APBA1: variants seen among roughly 807,000 people sequenced by gnomAD.
APBA1 encodes amyloid beta precursor protein binding family A member 1, also known as amyloid-beta A4 precursor protein-binding family A member 1.
APBA1 carries 55 observed loss-of-function variants against 86.6 expected under a neutral mutation model. That is an observed-to-expected ratio of 0.64 (90% CI 0.51 to 0.80). The LOEUF is 0.80. Ranked by LOEUF, APBA1 falls within the 30% of genes least tolerant of loss-of-function variation. The pLI is 0.00. For missense variants in APBA1, 1,090 were observed against 1,183.0 expected, an observed-to-expected ratio of 0.92 and a Z score of 1.15; for synonymous variants, 511 against 493.9, an observed-to-expected ratio of 1.03 and a Z score of -0.46.
intron 1 of APBA1, among the ~76,000 whole-genome samples, chr9:69,628,148 G>A (rs1014581779): frequency 5.3e-5 from 8 of 152,158 alleles, no homozygotes; most frequent in Non-Finnish European, 1.0e-4. Context: ...GCTGTAGGTA[G>A]ACTCCTGTCT....
intron 1 of APBA1, among the ~76,000 whole-genome samples, chr9:69,669,498 C>G (rs954806124): frequency 1.3e-5 from 2 of 152,186 alleles, no homozygotes; most frequent in Non-Finnish European, 2.9e-5. Context: ...GCAAAAGGTA[C>G]CACCATTTAT....
Position 69,516,642 on chromosome 9 carries a change from T to C in APBA1, c.569A>G (p.Tyr190Cys). 1.2e-6 allele frequency: 2 copies of C among 1,608,798 alleles called. No individual in the cohort carries two copies. Among genetic ancestry groups the C allele is most frequent in the Admixed American group, 1.7e-5 (1 of 59,864 alleles). Residue 190 changes from tyrosine (Y) to cysteine (C), a missense_variant, in exon 2 of 13, where the codon TAC (tyrosine) becomes TGC (cysteine). Physicochemically the swap from Tyr to Cys is radical, Grantham distance 194 (BLOSUM62 -2). Transcript: ENST00000265381. The surrounding 1 kb of genome is among the most constrained non-coding windows in gnomAD (Gnocchi z 7.3). ...GTACACGTGCTCCTGGAGGCCGCCG[T>C]AGTCGGCATAGGGCTCGGAGTAGGG... ...DEPYSEPYAD[Y>C]GGLQEHVYEE...
chr9:69,516,807 G>T lies in APBA1; in HGVS notation c.404C>A (p.Ala135Asp). ...GCGGTGCGTGGCCTCGGCGTGCTCGGCCTCTGCCTGCTCCGTGTACTCCTC... is the reference window on the plus strand; with the variant it reads ...GCGGTGCGTGGCCTCGGCGTGCTCGTCCTCTGCCTGCTCCGTGTACTCCTC... ...EAEEYTEQAEAEHAEATHRRA... is the reference protein window; with the variant it reads ...EAEEYTEQAEDEHAEATHRRA... The change falls in exon 2 of 13, where the codon GCC becomes GAC. Residue 135 changes from alanine (A) to aspartate (D), a missense_variant. By Grantham distance (126) the Ala-to-Asp change is moderately radical. Transcript: ENST00000265381. The surrounding 1 kb of genome is among the most constrained non-coding windows in gnomAD (Gnocchi z 7.3). 6.2e-7 allele frequency: 1 copy of T among 1,608,332 alleles called. No individual in the cohort carries two copies. The highest frequency in any genetic ancestry group is 8.5e-7 in the Non-Finnish European group (1 of 1,179,366).
intron 2 of APBA1, among the ~76,000 whole-genome samples, chr9:69,482,283 A>C (rs1215227868): frequency 1.3e-5 from 2 of 151,596 alleles, no homozygotes; most frequent in South Asian, 2.1e-4. Context: ...CAAGAAAAAA[A>C]CAAACAACCT....
intron 1 of APBA1, among the ~76,000 whole-genome samples, chr9:69,621,181 C>T (rs1020074451): frequency 4.6e-5 from 7 of 152,178 alleles, no homozygotes; most frequent in Admixed American, 1.3e-4. Flanking sequence ...ACTAAAAATA[C>T]GGAAACCTAA....
chr9:69,648,103 A>G lies in APBA1; in HGVS notation c.-70+24050T>C, dbSNP rs560423633. On this transcript the variant is annotated intron_variant, in intron 1 of 12. Transcript: ENST00000265381. ...GCATTGGACAGATGAAGGGCTGGTT[A>G]CCTGTCAGGAAGTGAAGAGCGTGGT... Among the ~76,000 whole-genome samples the G allele has an allele frequency of 6.3e-4, 96 of 152,340 alleles. 1 individual carries two copies. Among genetic ancestry groups the G allele is most frequent in the African/African-American group, 2.2e-3 (91 of 41,580 alleles).
chr9:69,649,010 C>T (rs1055724451), intron 1 of APBA1, among the ~76,000 whole-genome samples: 11 of 152,196 alleles, frequency 7.2e-5, no homozygotes, highest in African/African-American at 2.7e-4. Flanking sequence ...TGGGAGTCAT[C>T]CTTGATTCTT....
chr9:69,476,274 T>G, intron 2 of APBA1, 131 bp from the exon 3 acceptor site: 1 of 616,940 alleles, frequency 1.6e-6, no homozygotes. Context: ...GGAGAAAACC[T>G]CTTAAAAAGG....
At chr9:69,562,032 T>C (rs1836954259) in intron 1 of APBA1, among the ~76,000 whole-genome samples, 1 of 152,186 alleles carries the variant, frequency 6.6e-6, no homozygotes, top group African/African-American at 2.4e-5. Flanking sequence ...TACATTTTAA[T>C]TCATTTTTTC....
At position 69,454,863 on chromosome 9, in the gene APBA1, C is replaced by T. The variant is rs537219686; in HGVS notation, c.1788+1384G>A. Among the ~76,000 whole-genome samples the T allele has an allele frequency of 9.2e-5, 14 of 152,194 alleles. No individual in the cohort carries two copies. The South Asian group carries it at 2.9e-3, about 32-fold the overall frequency. On this transcript the variant is annotated intron_variant, in intron 8 of 12. Transcript: ENST00000265381. Reference sequence around the variant, plus strand: ...TCTTTTGGAACTTTCTGAGAACCTCCTAAAACTCATTTTCCCCGTTTGCAT... The same window carrying T: ...TCTTTTGGAACTTTCTGAGAACCTCTTAAAACTCATTTTCCCCGTTTGCAT...
chr9:69,446,684 C>T (rs1036155392), intron 10 of APBA1, among the ~76,000 whole-genome samples: 4 of 152,160 alleles, frequency 2.6e-5, no homozygotes, highest in East Asian at 1.9e-4. Context: ...AGGAGCGATT[C>T]GCAGGAGGGT....
Position 69,432,620 on chromosome 9 carries a change from G to T in APBA1, c.2358C>A (p.His786Gln). The T allele has an allele frequency of 6.2e-7, 1 of 1,606,182 alleles. No individual in the cohort carries two copies. The highest frequency in any genetic ancestry group is 8.5e-7 in the Non-Finnish European group (1 of 1,176,768). The change falls in exon 12 of 13, where the codon CAC becomes CAA. Residue 786 changes from histidine (H) to glutamine (Q), a missense_variant. By Grantham distance (24) the His-to-Gln change is conservative. This residue lies in a region of APBA1 where 119 missense variants were observed against 124.8 expected (regional missense o/e 0.95). Coordinates refer to ENST00000265381, the MANE Select transcript of APBA1 (RefSeq NM_001163.4). ...IAERGGVRVG[H>Q]RIIEINGQSV... ...TCTGTCCATTGATTTCAATGATCCGGTGCCCCACACGGACGCCTCCTCTCT... is the reference window on the plus strand; with the variant it reads ...TCTGTCCATTGATTTCAATGATCCGTTGCCCCACACGGACGCCTCCTCTCT...
intron 11 of APBA1, among the ~76,000 whole-genome samples, chr9:69,433,183 T>C (rs986265113): frequency 1.3e-5 from 2 of 152,152 alleles, no homozygotes; most frequent in Admixed American, 6.5e-5. Flanking sequence ...CCTTCAGAGT[T>C]TCCCAATTCA....
At chr9:69,534,863 A>T (rs184959094) in intron 1 of APBA1, among the ~76,000 whole-genome samples, 247 of 152,270 alleles carry the variant, frequency 1.6e-3, no homozygotes, top group Middle Eastern at 0.01. Context: ...AAAGATGAGG[A>T]TATAGCTCAC....
Position 69,492,189 on chromosome 9 carries a change from G to C in APBA1, c.1201-16046C>G, listed in dbSNP as rs903930293. Among the ~76,000 whole-genome samples the C allele has an allele frequency of 1.3e-5, 2 of 152,070 alleles. 1 individual carries two copies. The highest frequency in any genetic ancestry group is 1.3e-4 in the Admixed American group (2 of 15,278). ...GATCAGAGTCTGGCTACCACTGATG[G>C]CTCTGAGCCTGGGCACGTCATCCAT... On this transcript the variant is annotated intron_variant, in intron 2 of 12. Coordinates refer to ENST00000265381, the MANE Select transcript of APBA1 (RefSeq NM_001163.4).
chr9:69,429,011 T>C lies in APBA1; in HGVS notation c.*2316A>G, dbSNP rs1588275230. 1 of 152,346 alleles carries C rather than the reference T, an allele frequency of 6.6e-6. No individual in the cohort carries two copies. Among genetic ancestry groups the C allele is most frequent in the Non-Finnish European group, 1.5e-5 (1 of 68,028 alleles). 9.4% of individuals were successfully genotyped at this position (152,346 alleles called of 1,614,324 possible). A position where few individuals can be genotyped will look rare whatever the true frequency, so the allele number is the denominator to read the frequency against. On this transcript the variant is annotated 3_prime_UTR_variant, in exon 13 of 13. Transcript: ENST00000265381. ...TTTTGTGCAATAGGAATAGAAAGTA[T>C]ATTCTCTCCTTTAGGTGAACATACA...
At chr9:69,658,418 T>C (rs530074958) in intron 1 of APBA1, among the ~76,000 whole-genome samples, 2 of 150,916 alleles carry the variant, frequency 1.3e-5, no homozygotes, top group East Asian at 3.9e-4. Context: ...CTTTCTTTCT[T>C]TCTTTCCTTT....
At chr9:69,601,763 C>T (rs898013973) in intron 1 of APBA1, among the ~76,000 whole-genome samples, 1 of 152,234 alleles carries the variant, frequency 6.6e-6, no homozygotes, top group Non-Finnish European at 1.5e-5. Context: ...TCTCCTTTGG[C>T]AGTGCTTGAA....
At chr9:69,661,103 T>TAA (rs1022996595) in intron 1 of APBA1, among the ~76,000 whole-genome samples, 44 of 152,356 alleles carry the variant, frequency 2.9e-4, no homozygotes, top group African/African-American at 1.1e-3. Flanking sequence ...TTAGCATCCA[T>TAA]AAACAAACTT....
Sources: gnomAD v4.1 joint callset for allele counts (sites outside exome capture counted in the v4.1 genomes callset) on GRCh38, gnomAD v4.1.1 for gene constraint, gnomAD v4.1.1 regional missense constraint, Gnocchi (gnomAD v3.1) non-coding constraint, MANE v1.5 for transcripts, NCBI Gene and HGNC (gene_info 2026-07-23, HGNC 2026-07-21) for gene names.